Variants in EBF1 observed in about 807,000 individuals in gnomAD.
EBF1 encodes EBF transcription factor 1.
In EBF1, 10 loss-of-function variants were observed where a neutral mutation model predicts 68.4. That is an observed-to-expected ratio of 0.15 (90% confidence interval 0.09 to 0.25). The LOEUF (loss-of-function observed/expected upper bound fraction) is 0.25. EBF1 is among the 10% of genes least tolerant of loss of function. EBF1 has a pLI of 1.00. For synonymous variants in EBF1, 298 were observed against 299.8 expected (o/e 0.99, Z 0.06); for missense variants, 509 against 794.4 (o/e 0.64, Z 4.32).
At chr5:159,041,614 A>C (rs1284115863) in intron 6 of EBF1, among the ~76,000 whole-genome samples, 1 of 152,232 alleles carries the variant, frequency 6.6e-6, no homozygotes, top group Non-Finnish European at 1.5e-5. Context: ...CTAAATTTCC[A>C]TAATTTACAT....
chr5:158,919,782 A>C (rs1807994476), intron 6 of EBF1, among the ~76,000 whole-genome samples: 1 of 152,218 alleles, frequency 6.6e-6, no homozygotes, highest in African/African-American at 2.4e-5. Context: ...ATCTCATTTA[A>C]TCCTCTCAAA....
At chr5:159,031,059 A>T (rs937499627) in intron 6 of EBF1, among the ~76,000 whole-genome samples, 3 of 151,518 alleles carry the variant, frequency 2.0e-5, no homozygotes, top group African/African-American at 7.3e-5. Flanking sequence ...CTGTAATCCC[A>T]GCTACTCTGG....
intron 6 of EBF1, among the ~76,000 whole-genome samples, chr5:159,003,822 C>T (rs1282069447): frequency 6.6e-6 from 1 of 152,184 alleles, no homozygotes; most frequent in East Asian, 1.9e-4. Flanking sequence ...GAAGATGGAG[C>T]TAAGATTACA....
At chr5:159,019,391 C>G (rs1215343644) in intron 6 of EBF1, among the ~76,000 whole-genome samples, 1 of 152,118 alleles carries the variant, frequency 6.6e-6, no homozygotes, top group African/African-American at 2.4e-5. Context: ...ATATCCTAGA[C>G]TTTCTGTGTA....
At chr5:159,004,744 C>T (rs1044779752) in intron 6 of EBF1, among the ~76,000 whole-genome samples, 13 of 152,130 alleles carry the variant, frequency 8.5e-5, no homozygotes, top group Admixed American at 7.2e-4. Flanking sequence ...ATCTCAATAG[C>T]TTCAGGTGAT....
chr5:158,839,081 C>T (rs1450034165), intron 7 of EBF1, among the ~76,000 whole-genome samples: 2 of 152,202 alleles, frequency 1.3e-5, no homozygotes. Context: ...CACGTCTAGA[C>T]TCAACAACCT....
intron 6 of EBF1, among the ~76,000 whole-genome samples, chr5:159,009,484 T>A (rs1764211760): frequency 6.6e-6 from 1 of 152,212 alleles, no homozygotes; most frequent in Admixed American, 6.5e-5. Context: ...TCTTAAAGTA[T>A]CTTTGTAAAT....
At chr5:158,722,684 G>A (rs985054220) in intron 11 of EBF1, among the ~76,000 whole-genome samples, 3 of 152,208 alleles carry the variant, frequency 2.0e-5, no homozygotes, top group Non-Finnish European at 4.4e-5. Context: ...AACGATATCT[G>A]TAAATGATAA....
intron 4 of EBF1, among the ~76,000 whole-genome samples, chr5:159,091,653 T>G (rs575888462): frequency 6.6e-6 from 1 of 152,332 alleles, no homozygotes; most frequent in South Asian, 2.1e-4. Flanking sequence ...CAAATCTATG[T>G]AGCCATGGCA....
At chr5:159,031,896 C>CATAAAATATAAAATATAAAATAT (rs564138980) in intron 6 of EBF1, among the ~76,000 whole-genome samples, 1,649 of 152,192 alleles carry the variant, frequency 0.011, 11 homozygotes, top group Admixed American at 0.017. Flanking sequence ...AAATATAAAA[C>CATAAAATATAAAATATAAAATAT]AAAACCCGCC....
intron 6 of EBF1, among the ~76,000 whole-genome samples, chr5:159,062,090 A>T (rs922918471): frequency 6.6e-6 from 1 of 152,206 alleles, no homozygotes; most frequent in African/African-American, 2.4e-5. Context: ...CTTTAACAGG[A>T]AGAAGAGATG....
At chr5:159,081,718 T>C (rs952382371) in intron 5 of EBF1, among the ~76,000 whole-genome samples, 3 of 152,200 alleles carry the variant, frequency 2.0e-5, no homozygotes, top group Admixed American at 2.0e-4. Context: ...TAAACAGAGC[T>C]CTGGGAACTA....
chr5:158,783,343 C>G (rs759059256), intron 9 of EBF1, among the ~76,000 whole-genome samples: 7 of 152,036 alleles, frequency 4.6e-5, no homozygotes, highest in Non-Finnish European at 1.5e-5. Context: ...GAATTAGATG[C>G]GTATTTGCAC....
intron 6 of EBF1, among the ~76,000 whole-genome samples, chr5:158,885,346 G>A (rs1799829454): frequency 6.6e-6 from 1 of 152,180 alleles, no homozygotes; most frequent in African/African-American, 2.4e-5. Flanking sequence ...TTGTCAGAGT[G>A]GAAAATAAAG....
At chr5:158,822,267 C>CGGATGGATGGATGGAT (rs958054113) in intron 8 of EBF1, among the ~76,000 whole-genome samples, 1 of 56,996 alleles carries the variant, frequency 1.8e-5, no homozygotes, top group South Asian at 1.0e-3. Context: ...GACGGATGGA[C>CGGATGGATGGATGGAT]GGATGGATGG....
chr5:158,744,702 A>G (rs1383363268), intron 10 of EBF1, among the ~76,000 whole-genome samples: 9 of 152,210 alleles, frequency 5.9e-5, no homozygotes, highest in Admixed American at 5.2e-4. Context: ...AGAGCCATAC[A>G]AGAAAGCGTG....
chr5:158,900,439 C>A lies in EBF1; in HGVS notation c.555-60329G>T, dbSNP rs971374763. On this transcript the variant is annotated intron_variant, in intron 6 of 15. Transcript: ENST00000313708. ...GGAAAAATGATAAAAGAACTGTCAT[C>A]GGAGATGGAGGAGGGCTCTTTCTCT... 9.2e-5 allele frequency among the ~76,000 whole-genome samples: 14 copies of A among 152,282 alleles called. 1 individual carries two copies. In the South Asian group the frequency reaches 1.7e-3, roughly 18 times the overall value.
At chr5:158,813,763 T>G (rs1783154572) in intron 8 of EBF1, among the ~76,000 whole-genome samples, 1 of 152,162 alleles carries the variant, frequency 6.6e-6, no homozygotes, top group South Asian at 2.1e-4. Flanking sequence ...CAGAGCTTGG[T>G]TTTAATTTAT....
intron 6 of EBF1, among the ~76,000 whole-genome samples, chr5:158,927,514 G>A (rs1809950693): frequency 6.6e-6 from 1 of 152,190 alleles, no homozygotes; most frequent in Admixed American, 6.5e-5. Flanking sequence ...CATTTTCCAA[G>A]TTAGCACCAT....
Sources: gnomAD v4.1 joint callset for allele counts (sites outside exome capture counted in the v4.1 genomes callset) on GRCh38, gnomAD v4.1.1 for gene constraint, MANE v1.5 for transcripts, NCBI Gene and HGNC (gene_info 2026-07-23, HGNC 2026-07-21) for gene names.